Variants in CCNH observed in about 807,000 individuals in gnomAD.
The protein encoded by CCNH is cyclin-H.
A neutral mutation model predicts 41.9 loss-of-function variants in CCNH; 31 were observed. That is an observed-to-expected ratio of 0.74 (90% CI 0.56 to 1.00). The LOEUF (loss-of-function observed/expected upper bound fraction) is 1.00. Ranked by LOEUF, CCNH falls within the 50% of genes least tolerant of loss-of-function variation. The pLI, the probability that CCNH is intolerant of heterozygous loss-of-function variation, is 0.00. For synonymous variants in CCNH, 138 were observed against 136.1 expected, an observed-to-expected ratio of 1.01 and a Z score of -0.10; for missense variants, 362 against 388.4, an observed-to-expected ratio of 0.93 and a Z score of 0.57.
At chr5:87,378,436 C>T, upstream of CCNH, 1 of 1,612,802 alleles carries the variant, frequency 6.2e-7, no homozygotes, top group South Asian at 1.1e-5. Flanking sequence ...CACTTGCAAG[C>T]ACCTTGATGG....
intron 9 of CCNH, among the ~76,000 whole-genome samples, chr5:87,383,396 A>G (rs1475116460): frequency 6.6e-6 from 1 of 152,176 alleles, no homozygotes; most frequent in African/African-American, 2.4e-5. Context: ...TCAAATGACC[A>G]CTAGCCTGGA....
chr5:87,319,912 T>C (rs949187142), intron 9 of CCNH, among the ~76,000 whole-genome samples: 1 of 152,192 alleles, frequency 6.6e-6, no homozygotes, highest in Non-Finnish European at 1.5e-5. Context: ...AGTTCCAATT[T>C]CACACCGTCT....
chr5:87,333,844 A>G (rs1463224498), intron 9 of CCNH, among the ~76,000 whole-genome samples: 1 of 152,168 alleles, frequency 6.6e-6, no homozygotes, highest in Non-Finnish European at 1.5e-5. Flanking sequence ...GTTTCTTACC[A>G]TTAATTCTCT....
At chr5:87,355,051 C>G (rs1334816309) in intron 9 of CCNH, among the ~76,000 whole-genome samples, 4 of 152,114 alleles carry the variant, frequency 2.6e-5, no homozygotes, top group Non-Finnish European at 5.9e-5. Flanking sequence ...GATGCTATCT[C>G]CATAACATAA....
downstream of CCNH, chr5:87,394,219 A>T (rs980242119): frequency 2.6e-6 from 3 of 1,174,012 alleles, no homozygotes; most frequent in Non-Finnish European, 3.2e-6. Context: ...TTGCAGCTTT[A>T]ATTTGATATT....
At chr5:87,402,025 T>G (rs1012930359) in intron 5 of CCNH, among the ~76,000 whole-genome samples, 3 of 152,188 alleles carry the variant, frequency 2.0e-5, no homozygotes, top group Admixed American at 1.3e-4. Flanking sequence ...GCAACAGTAA[T>G]AGCCAGTACT....
intron 9 of CCNH, among the ~76,000 whole-genome samples, chr5:87,355,451 T>C (rs1211567118): frequency 6.6e-6 from 1 of 152,212 alleles, no homozygotes; most frequent in Non-Finnish European, 1.5e-5. Context: ...CATGGTTTAC[T>C]GAATATTTTA....
the CCNH span, among the ~76,000 whole-genome samples, chr5:87,313,256 C>G: frequency 3.3e-5 from 5 of 152,130 alleles, no homozygotes; most frequent in African/African-American, 1.2e-4. Flanking sequence ...TTTAGCTAAT[C>G]TAATATCTTT....
At chr5:87,380,916 T>A (rs771870773), upstream of CCNH, among the ~76,000 whole-genome samples, 6 of 152,174 alleles carry the variant, frequency 3.9e-5, no homozygotes, top group Non-Finnish European at 8.8e-5. Flanking sequence ...ACACACACAT[T>A]GATTGGCAGT....
intron 9 of CCNH, among the ~76,000 whole-genome samples, chr5:87,361,797 G>T (rs148823586): frequency 1.3e-5 from 2 of 152,154 alleles, no homozygotes; most frequent in East Asian, 3.9e-4. Context: ...TTTCATCAGG[G>T]ATACATTAAG....
At chr5:87,355,783 G>T (rs1347038573) in intron 9 of CCNH, among the ~76,000 whole-genome samples, 3 of 152,202 alleles carry the variant, frequency 2.0e-5, no homozygotes, top group African/African-American at 7.2e-5. Context: ...TGATTCATGG[G>T]CAGAGGCCAA....
chr5:87,312,800 C>G, the CCNH span, among the ~76,000 whole-genome samples: 5 of 152,118 alleles, frequency 3.3e-5, no homozygotes, highest in African/African-American at 1.2e-4. Context: ...GAAAATCTAG[C>G]AAACAAATAA....
chr5:87,368,760 C>T (rs1305132766), intron 9 of CCNH, among the ~76,000 whole-genome samples: 3 of 152,148 alleles, frequency 2.0e-5, no homozygotes, highest in African/African-American at 7.2e-5. Context: ...GCTACACAGC[C>T]AGCTTAGGAA....
downstream of CCNH, among the ~76,000 whole-genome samples, chr5:87,373,284 A>G (rs900439389): frequency 6.6e-6 from 1 of 152,168 alleles, no homozygotes; most frequent in Non-Finnish European, 1.5e-5. Flanking sequence ...TATAACAACT[A>G]TGTACATAGC....
downstream of CCNH, chr5:87,390,965 G>T: frequency 7.2e-7 from 1 of 1,381,546 alleles, no homozygotes; most frequent in Non-Finnish European, 1.0e-6. Context: ...CTTTGCTCTT[G>T]CCAAAAAATA....
intron 7 of CCNH, among the ~76,000 whole-genome samples, chr5:87,397,354 T>A (rs951588830): frequency 6.6e-6 from 1 of 152,062 alleles, no homozygotes; most frequent in African/African-American, 2.4e-5. Flanking sequence ...GAGACGGGGT[T>A]TCGCCATGTT....
At chr5:87,378,752 T>C (rs570695738), upstream of CCNH, among the ~76,000 whole-genome samples, 5 of 152,298 alleles carry the variant, frequency 3.3e-5, no homozygotes, top group African/African-American at 9.6e-5. Flanking sequence ...AACCATCAAG[T>C]TGCACCAGAA....
At chr5:87,313,828 A>G (rs773799001), downstream of CCNH, among the ~76,000 whole-genome samples, 1 of 152,210 alleles carries the variant, frequency 6.6e-6, no homozygotes, top group African/African-American at 2.4e-5. Context: ...GGATGGCAAT[A>G]AGGACATTGC....
chr5:87,371,861 C>T (rs1486953613), downstream of CCNH, among the ~76,000 whole-genome samples: 3 of 152,030 alleles, frequency 2.0e-5, no homozygotes, highest in Admixed American at 2.0e-4. Flanking sequence ...TTAATGGCCA[C>T]TCGATGTGTT....
Sources: allele counts gnomAD v4.1 joint callset (sites outside exome capture counted in the v4.1 genomes callset), GRCh38; gene constraint gnomAD v4.1.1; transcripts MANE v1.5; gene names NCBI Gene and HGNC (gene_info 2026-07-23, HGNC 2026-07-21).